The following NTNG1 variants were observed in gnomAD, a reference collection of about 807,000 sequenced individuals.
NTNG1 encodes the protein netrin-G1.
Under a neutral mutation model 54.0 loss-of-function variants are expected in NTNG1, and 16 were observed. That is an observed-to-expected ratio of 0.30 (90% CI 0.20 to 0.45). NTNG1 has a LOEUF of 0.45. Among genes scored for constraint, NTNG1 ranks in the 20% least tolerant of loss-of-function variants. The pLI, the probability that NTNG1 is intolerant of heterozygous loss-of-function variation, is 1.00. For synonymous variants in NTNG1, 255 were observed against 263.1 expected (o/e 0.97, Z 0.30); for missense variants, 530 against 678.7 (o/e 0.78, Z 2.43).
At chr1:107,261,876 A>G (rs1418305533) in intron 2 of NTNG1, among the ~76,000 whole-genome samples, 1 of 152,156 alleles carries the variant, frequency 6.6e-6, no homozygotes. Flanking sequence ...AACGATAACA[A>G]CTATATTATA....
At chr1:107,190,492 A>T (rs531564976) in intron 2 of NTNG1, among the ~76,000 whole-genome samples, 1 of 152,076 alleles carries the variant, frequency 6.6e-6, no homozygotes, top group Non-Finnish European at 1.5e-5. Flanking sequence ...TTTGTTACAT[A>T]TGTATACATG....
intron 3 of NTNG1, among the ~76,000 whole-genome samples, chr1:107,370,019 A>G (rs1401476163): frequency 1.3e-5 from 2 of 152,116 alleles, no homozygotes; most frequent in Non-Finnish European, 2.9e-5. Flanking sequence ...ATTTTTGTCA[A>G]AAATCAGTTG....
intron 4 of NTNG1, among the ~76,000 whole-genome samples, chr1:107,406,466 G>A (rs538272798): frequency 6.6e-6 from 1 of 152,238 alleles, no homozygotes; most frequent in South Asian, 2.1e-4. Flanking sequence ...GCCCTATGCA[G>A]TAGATCTTAT....
intron 3 of NTNG1, among the ~76,000 whole-genome samples, chr1:107,359,981 A>G (rs1234496965): frequency 6.6e-6 from 1 of 152,146 alleles, no homozygotes; most frequent in East Asian, 1.9e-4. Flanking sequence ...TGGTCGACAC[A>G]ACATTTTACT....
At chr1:107,470,931 C>G (rs1009119034) in intron 7 of NTNG1, among the ~76,000 whole-genome samples, 3 of 152,078 alleles carry the variant, frequency 2.0e-5, no homozygotes, top group African/African-American at 7.2e-5. Context: ...TTGCAAAGGC[C>G]AAAAATTTTA....
At chr1:107,184,799 A>G (rs1464157829) in intron 2 of NTNG1, among the ~76,000 whole-genome samples, 1 of 152,200 alleles carries the variant, frequency 6.6e-6, no homozygotes, top group Non-Finnish European at 1.5e-5. Context: ...AATCTTTCCA[A>G]AACCACTCCA....
intron 3 of NTNG1, among the ~76,000 whole-genome samples, chr1:107,361,027 A>T (rs192366430): frequency 1.3e-3 from 200 of 150,966 alleles, no homozygotes; most frequent in South Asian, 4.4e-3. Flanking sequence ...AAGAAGAATC[A>T]GTTCTTATAT....
chr1:107,426,927 A>G (rs922978034), intron 5 of NTNG1, among the ~76,000 whole-genome samples: 1 of 151,652 alleles, frequency 6.6e-6, no homozygotes, highest in African/African-American at 2.4e-5. Context: ...TAGGTATTTT[A>G]TTTTATTTTG....
chr1:107,222,614 G>C (rs1478891702), intron 2 of NTNG1, among the ~76,000 whole-genome samples: 2 of 152,056 alleles, frequency 1.3e-5, no homozygotes, highest in Non-Finnish European at 2.9e-5. Context: ...GAGCATACTA[G>C]GTGTGCCAAA....
intron 2 of NTNG1, among the ~76,000 whole-genome samples, chr1:107,254,690 G>A (rs1415382248): frequency 6.6e-6 from 1 of 152,154 alleles, no homozygotes; most frequent in Non-Finnish European, 1.5e-5. Context: ...AATTTAAATA[G>A]AAGAGTACTT....
chr1:107,388,006 G>A (rs1314186607), intron 3 of NTNG1, among the ~76,000 whole-genome samples: 1 of 152,138 alleles, frequency 6.6e-6, no homozygotes, highest in Non-Finnish European at 1.5e-5. Flanking sequence ...GATACAGAGA[G>A]TATTACTCTG....
intron 2 of NTNG1, among the ~76,000 whole-genome samples, chr1:107,225,393 T>C (rs1660608307): frequency 6.6e-6 from 1 of 152,132 alleles, no homozygotes; most frequent in African/African-American, 2.4e-5. Context: ...ATCTTGCTTA[T>C]CTTCAATGCT....
intron 2 of NTNG1, among the ~76,000 whole-genome samples, chr1:107,222,791 C>CA (rs1472516227): frequency 6.8e-6 from 1 of 147,824 alleles, no homozygotes; most frequent in Non-Finnish European, 1.5e-5. Context: ...AAGGGAAGAC[C>CA]AGTGCTGCTT....
chr1:107,255,592 C>A (rs1662884171), intron 2 of NTNG1, among the ~76,000 whole-genome samples: 3 of 152,130 alleles, frequency 2.0e-5, no homozygotes, highest in South Asian at 2.1e-4. Context: ...ATTAACTGCC[C>A]TTTTGTCTCT....
intron 2 of NTNG1, among the ~76,000 whole-genome samples, chr1:107,306,228 A>G (rs930213846): frequency 3.3e-5 from 5 of 152,386 alleles, no homozygotes; most frequent in African/African-American, 1.2e-4. Flanking sequence ...GTTTTATTTA[A>G]CCTAATATAT....
intron 7 of NTNG1, among the ~76,000 whole-genome samples, chr1:107,479,328 T>A (rs1201436813): frequency 6.6e-6 from 1 of 152,212 alleles, no homozygotes; most frequent in Non-Finnish European, 1.5e-5. Context: ...ACATAATTAG[T>A]GGACAAGGCA....
chr1:107,155,409 A>C (rs1250047221), intron 2 of NTNG1, among the ~76,000 whole-genome samples: 1 of 152,044 alleles, frequency 6.6e-6, no homozygotes, highest in African/African-American at 2.4e-5. Context: ...TTTTTAACTC[A>C]TGTTAAATCT....
intron 3 of NTNG1, among the ~76,000 whole-genome samples, chr1:107,349,542 A>G (rs2101953789): frequency 6.6e-6 from 1 of 152,294 alleles, no homozygotes; most frequent in South Asian, 2.1e-4. Flanking sequence ...ATTTCTCCCA[A>G]GTGACAATAC....
At chr1:107,280,206 T>C (rs1304679960) in intron 2 of NTNG1, among the ~76,000 whole-genome samples, 3 of 148,824 alleles carry the variant, frequency 2.0e-5, no homozygotes, top group Non-Finnish European at 4.5e-5. Flanking sequence ...ATAGGGCCTC[T>C]CAATCTGAAG....
Sources: allele counts gnomAD v4.1 joint callset (sites outside exome capture counted in the v4.1 genomes callset), GRCh38; gene constraint gnomAD v4.1.1; transcripts MANE v1.5; gene names NCBI Gene and HGNC (gene_info 2026-07-23, HGNC 2026-07-21).